The following MTUS1 variants were observed in gnomAD, a reference collection of about 807,000 sequenced individuals.
MTUS1 encodes the protein microtubule associated scaffold protein 1.
A neutral mutation model predicts 120.8 loss-of-function variants in MTUS1; 109 were observed. The ratio of observed to expected loss-of-function variants is 0.90; its 90% CI spans 0.77 to 1.06. The LOEUF (loss-of-function observed/expected upper bound fraction) is 1.06. Among genes scored for constraint, MTUS1 ranks in the 50% least tolerant of loss-of-function variants. MTUS1 has a pLI of 0.00. For synonymous variants in MTUS1, 737 were observed against 550.5 expected (o/e 1.34, Z -4.74); for missense variants, 2,210 against 1,486.3 (o/e 1.49, Z -8.01).
At chr8:17,690,327 C>T (rs1294860893) in intron 6 of MTUS1, among the ~76,000 whole-genome samples, 2 of 152,144 alleles carry the variant, frequency 1.3e-5, no homozygotes, top group Non-Finnish European at 2.9e-5. Flanking sequence ...ATGAAAACCA[C>T]GATGAGATAC....
chr8:17,697,898 C>T (rs1818291430), intron 6 of MTUS1, among the ~76,000 whole-genome samples: 1 of 152,254 alleles, frequency 6.6e-6, no homozygotes, highest in East Asian at 1.9e-4. Context: ...ACATTTTTCA[C>T]TCCTTATATT....
chr8:17,644,419 C>G lies in MTUS1; in HGVS notation c.*1507G>C, dbSNP rs1346503929. 5.2e-5 allele frequency: 8 copies of G among 152,614 alleles called. No homozygotes were observed. The East Asian group carries it at 1.5e-3, about 29-fold the overall frequency. The allele number at this position is 152,614 out of a possible 1,614,324, so 9.5% of individuals were successfully genotyped here. On this transcript the variant is annotated 3_prime_UTR_variant, in exon 15 of 15. Coordinates refer to ENST00000693296, the MANE Select transcript of MTUS1 (RefSeq NM_001363059.2). ...AATGTAGATTAGTAAATACTGACAT[C>G]ACAATGTTGACACATGCAGGGAGGG... is the stretch of plus-strand genomic sequence containing the variant.
intron 6 of MTUS1, among the ~76,000 whole-genome samples, chr8:17,684,755 G>A (rs1417612642): frequency 6.6e-6 from 1 of 152,178 alleles, no homozygotes; most frequent in African/African-American, 2.4e-5. Flanking sequence ...GACTTTAAAA[G>A]ATTTATGGGG....
Position 17,782,454 on chromosome 8 carries a change from T to C in MTUS1, c.-155+18607A>G, listed in dbSNP as rs182011322. On this transcript the variant is annotated intron_variant, in intron 1 of 14. Transcript: ENST00000693296. Reference sequence around the variant, plus strand: ...CTCTAGGAAACAAGACTATAATAACTTGAATTTTAAGAACTACAAATTCAA... The same window carrying C: ...CTCTAGGAAACAAGACTATAATAACCTGAATTTTAAGAACTACAAATTCAA... Among the ~76,000 whole-genome samples the C allele has an allele frequency of 3.1e-3, 469 of 152,290 alleles. 5 individuals carry two copies. Among genetic ancestry groups the C allele is most frequent in the African/African-American group, 0.011 (450 of 41,572 alleles).
rs199816797 is a variant in MTUS1, at chr8:17,754,809, C to A, written c.999G>T (p.Met333Ile). The A allele has an allele frequency of 2.2e-3, 3,487 of 1,614,200 alleles. 9 individuals carry two copies. The highest frequency in any genetic ancestry group is 2.7e-3 in the Non-Finnish European group (3,173 of 1,180,044). ...ACACTGTCTCTCTCAGATTTTGGCC[C>A]ATTTCCTTGTGCCTGTATGAGCTCT... ...HSQSSYRHKE[M>I]GQNLRETVSY... The change falls in exon 2 of 15, where the codon ATG (methionine) becomes ATT (isoleucine). Residue 333 changes from methionine to isoleucine, a missense_variant. By Grantham distance (10) the Met-to-Ile change is conservative (BLOSUM62 1). Transcript: ENST00000693296.
In MTUS1 at chr8:17,715,854, C is replaced by T. The variant is rs536852465; in HGVS notation, c.2497G>A (p.Ala833Thr). The change falls in exon 5 of 15, where the codon GCA becomes ACA. Residue 833 changes from alanine (A) to threonine (T), a missense_variant. Coordinates refer to ENST00000693296, the MANE Select transcript of MTUS1 (RefSeq NM_001363059.2). ...IKYEEKPPKPAFQNGSSGSFY... is the reference protein window; with the variant it reads ...IKYEEKPPKPTFQNGSSGSFY... Reference sequence around the variant, plus strand: ...GATCCTGAGGAACCATTCTGAAATGCTGGTTTTGGAGGTTTCTCCTCATAT... The same window carrying T: ...GATCCTGAGGAACCATTCTGAAATGTTGGTTTTGGAGGTTTCTCCTCATAT... 11 of 1,613,934 alleles carry T rather than the reference C, an allele frequency of 6.8e-6. No homozygotes were observed. Among genetic ancestry groups the T allele is most frequent in the Middle Eastern group, 1.6e-4 (1 of 6,062 alleles).
chr8:17,788,869 A>G (rs776130170), intron 1 of MTUS1, among the ~76,000 whole-genome samples: 11 of 152,196 alleles, frequency 7.2e-5, no homozygotes, highest in Non-Finnish European at 1.3e-4. Flanking sequence ...AAGTTTCAGG[A>G]TAGTACTGGG....
intron 4 of MTUS1, among the ~76,000 whole-genome samples, chr8:17,722,907 G>A (rs1369224726): frequency 6.6e-6 from 1 of 152,162 alleles, no homozygotes; most frequent in Non-Finnish European, 1.5e-5. Flanking sequence ...GAAGAGATCA[G>A]TTCGCCACTC....
At chr8:17,721,788 G>GGTA in intron 4 of MTUS1, 1 of 1,614,150 alleles carries the variant, frequency 6.2e-7, no homozygotes, top group Non-Finnish European at 8.5e-7. Flanking sequence ...GTGTCAATAA[G>GGTA]GTAGCATCAT....
intron 3 of MTUS1, among the ~76,000 whole-genome samples, chr8:17,734,733 C>G (rs1186014867): frequency 6.6e-6 from 1 of 152,156 alleles, no homozygotes; most frequent in Non-Finnish European, 1.5e-5. Flanking sequence ...AAACAAGGGT[C>G]TTCACATGTT....
At chr8:17,780,763 G>A (rs915575682) in intron 1 of MTUS1, 1 of 152,162 alleles carries the variant, frequency 6.6e-6, no homozygotes, top group Non-Finnish European at 1.5e-5. Flanking sequence ...TCATCCTTCT[G>A]AATTGTACTC....
intron 6 of MTUS1, among the ~76,000 whole-genome samples, chr8:17,702,979 C>T (rs1819402390): frequency 6.6e-6 from 1 of 152,138 alleles, no homozygotes; most frequent in Non-Finnish European, 1.5e-5. Context: ...ATCCTGTTAT[C>T]TTTGTAAGCT....
chr8:17,672,808 G>T (rs1812296070), intron 8 of MTUS1, among the ~76,000 whole-genome samples: 1 of 152,204 alleles, frequency 6.6e-6, no homozygotes, highest in African/African-American at 2.4e-5. Context: ...TCCTTATCAA[G>T]GATAGGAAGG....
chr8:17,709,495 C>T (rs968401252), intron 6 of MTUS1, among the ~76,000 whole-genome samples: 5 of 152,044 alleles, frequency 3.3e-5, no homozygotes, highest in African/African-American at 1.2e-4. Flanking sequence ...ATTCTTCGCT[C>T]AGGACTGCAT....
At chr8:17,718,767 T>A (rs1376055529) in intron 4 of MTUS1, among the ~76,000 whole-genome samples, 1 of 151,768 alleles carries the variant, frequency 6.6e-6, no homozygotes, top group Non-Finnish European at 1.5e-5. Flanking sequence ...CATTTCCCCA[T>A]GGCCAAAGTG....
intron 3 of MTUS1, among the ~76,000 whole-genome samples, chr8:17,726,688 A>C (rs2046250197): frequency 6.6e-6 from 1 of 152,212 alleles, no homozygotes; most frequent in African/African-American, 2.4e-5. Flanking sequence ...GATAGCAAAT[A>C]CACACTTTAA....
intron 5 of MTUS1, 29 bp downstream of exon 5, chr8:17,715,738 C>A: frequency 6.3e-7 from 1 of 1,582,494 alleles, no homozygotes; most frequent in South Asian, 1.2e-5. Flanking sequence ...GTCTTGCCCT[C>A]CCTCTTCAAA....
intron 3 of MTUS1, among the ~76,000 whole-genome samples, chr8:17,727,846 T>G (rs939416750): frequency 2.6e-5 from 4 of 152,238 alleles, no homozygotes; most frequent in African/African-American, 7.2e-5. Context: ...TCTGTAATTA[T>G]AACCATCTTT....
rs980163322 is a variant in MTUS1, at chr8:17,743,638, T to C, written c.2253A>G (p.Val751=). The C allele has an allele frequency of 2.7e-5, 43 of 1,614,012 alleles. No homozygotes were observed. Among genetic ancestry groups the C allele is most frequent in the Non-Finnish European group, 3.5e-5 (41 of 1,180,012 alleles). ...ACACACGCCTGATCCTCTGAGGAGA[T>C]ACGGCTCGATCAGCACTGGGATTTC... ...DNRNPSADRA[V]SPQRIRRVSS... is the part of the protein sequence containing the mutation. Residue 751 remains valine (V), a synonymous_variant, in exon 3 of 15, where the codon GTA becomes GTG. Coordinates refer to ENST00000693296, the MANE Select transcript of MTUS1 (RefSeq NM_001363059.2).
Sources: allele counts gnomAD v4.1 joint callset (sites outside exome capture counted in the v4.1 genomes callset), GRCh38; gene constraint gnomAD v4.1.1; transcripts MANE v1.5; gene names NCBI Gene and HGNC (gene_info 2026-07-23, HGNC 2026-07-21).